Variants in URB1 observed in about 807,000 individuals in gnomAD.
The protein encoded by URB1 is nucleolar pre-ribosomal-associated protein 1.
URB1 carries 197 observed loss-of-function variants against 242.3 expected under a neutral mutation model. The observed-to-expected ratio is 0.81, with a 90% CI of 0.72 to 0.91. URB1 has a LOEUF of 0.91. Among genes scored for constraint, URB1 ranks in the 40% least tolerant of loss-of-function variants. URB1 has a pLI of 0.00. For missense variants in URB1, 2,721 were observed against 2,860.5 expected (o/e 0.95, Z 1.11); for synonymous variants, 1,153 against 1,201.8 (o/e 0.96, Z 0.84).
Position 32,311,857 on chromosome 21 carries a change from G to A in URB1, c.*3061C>T. On this transcript the variant is annotated 3_prime_UTR_variant, in exon 39 of 39. Coordinates refer to ENST00000382751, the MANE Select transcript of URB1 (RefSeq NM_014825.3). The stretch of plus-strand genomic sequence containing the variant: ...CCTGACCAGCCGCTACGACAGGAGA[G>A]CTCCTCCACCTTGCCCCTCGGGGGT... 6.2e-7 allele frequency: 1 copy of A among 1,614,134 alleles called. No individual in the cohort carries two copies. Among genetic ancestry groups the A allele is most frequent in the Admixed American group, 1.7e-5 (1 of 60,026 alleles).
intron 35 of URB1, 109 bp downstream of exon 35, chr21:32,320,422 T>C (rs964605053): frequency 1.2e-6 from 1 of 818,908 alleles, no homozygotes; most frequent in Non-Finnish European, 1.9e-6. Flanking sequence ...TCAGAGAGCA[T>C]GGATTTTACT....
In URB1 at chr21:32,384,435, G is replaced by A; in HGVS notation, c.312C>T (p.Ala104=). The A allele has an allele frequency of 6.4e-7, 1 of 1,551,516 alleles. No homozygotes were observed. The highest frequency in any genetic ancestry group is 8.7e-7 in the Non-Finnish European group (1 of 1,146,706). The change falls in exon 3 of 39, where the codon GCC becomes GCT. Residue 104 remains alanine (A), a synonymous_variant. Coordinates refer to ENST00000382751, the MANE Select transcript of URB1 (RefSeq NM_014825.3). The part of the protein sequence containing the change: ...ETMLIFQVFE[A]ILLRTASDLS... ...GATCACTTGCTGTCCGCAATAATATGGCCTCGAAAACTTGAAATATTAACA... is the reference window on the plus strand; with the variant it reads ...GATCACTTGCTGTCCGCAATAATATAGCCTCGAAAACTTGAAATATTAACA...
chr21:32,385,213 C>A (rs1367967829), intron 2 of URB1, among the ~76,000 whole-genome samples: 1 of 152,204 alleles, frequency 6.6e-6, no homozygotes, highest in Non-Finnish European at 1.5e-5. Context: ...ATCATCAATT[C>A]ATTATGTGTT....
Position 32,363,243 on chromosome 21 carries a change from C to G in URB1, c.1422G>C (p.Leu474=), listed in dbSNP as rs188267379. 1 of 1,552,078 alleles carries G rather than the reference C, an allele frequency of 6.4e-7. No individual in the cohort carries two copies. Among genetic ancestry groups the G allele is most frequent in the Non-Finnish European group, 8.7e-7 (1 of 1,147,086 alleles). Residue 474 remains leucine, a synonymous_variant, in exon 11 of 39, where the codon CTG becomes CTC. Coordinates refer to ENST00000382751, the MANE Select transcript of URB1 (RefSeq NM_014825.3). ...CTGATTCCTGCCACACCTCTTTATTCAGGCAGTGGTCAACAGTTTTTAATG... is the reference window on the plus strand; with the variant it reads ...CTGATTCCTGCCACACCTCTTTATTGAGGCAGTGGTCAACAGTTTTTAATG... The part of the protein sequence containing the change: ...KRALKTVDHC[L]NKEVWQESGV...
chr21:32,366,038 C>G (rs983083911), intron 10 of URB1, among the ~76,000 whole-genome samples: 2 of 152,184 alleles, frequency 1.3e-5, no homozygotes, highest in Non-Finnish European at 2.9e-5. Flanking sequence ...TGTGAACCCC[C>G]CAGAATGTGG....
intron 4 of URB1, among the ~76,000 whole-genome samples, chr21:32,380,889 T>C (rs1332547162): frequency 1.3e-5 from 2 of 152,234 alleles, no homozygotes; most frequent in African/African-American, 4.8e-5. Context: ...CCATTCTACA[T>C]CTTTCTATCC....
chr21:32,356,302 G>A (rs553564526), intron 15 of URB1, among the ~76,000 whole-genome samples: 3 of 152,268 alleles, frequency 2.0e-5, no homozygotes, highest in Admixed American at 2.0e-4. Context: ...TTAGTTGGGA[G>A]GATCACTTGA....
At chr21:32,318,673 C>T (rs1168247573) in intron 36 of URB1, among the ~76,000 whole-genome samples, 1 of 152,158 alleles carries the variant, frequency 6.6e-6, no homozygotes, top group Non-Finnish European at 1.5e-5. Context: ...AGTGTATTTT[C>T]TGTAACATGG....
In URB1 at chr21:32,333,429, C is replaced by A; in HGVS notation, c.4858-10G>T. 6.5e-7 allele frequency: 1 copy of A among 1,545,932 alleles called. No homozygotes were observed. Among genetic ancestry groups the A allele is most frequent in the South Asian group, 1.2e-5 (1 of 83,322 alleles). ...TCAGCTCCTGTGTGTCCTGAAAGAG[C>A]CAAAATCAACAAAAACGTGTGATTC... is the stretch of plus-strand genomic sequence containing the variant. On this transcript the variant is annotated splice_polypyrimidine_tract_variant and intron_variant, in intron 29 of 38. Transcript: ENST00000382751.
chr21:32,328,333 T>G (rs1007949870), intron 30 of URB1, among the ~76,000 whole-genome samples: 1 of 152,226 alleles, frequency 6.6e-6, no homozygotes, highest in Non-Finnish European at 1.5e-5. Context: ...AGACGGGGTT[T>G]CACCATGTTG....
intron 20 of URB1, among the ~76,000 whole-genome samples, chr21:32,350,380 T>C (rs1335157188): frequency 6.6e-6 from 1 of 152,028 alleles, no homozygotes; most frequent in Non-Finnish European, 1.5e-5. Flanking sequence ...AAGGCTGTAG[T>C]GAGCTATGAT....
At chr21:32,375,366 G>C in intron 6 of URB1, 32 bp downstream of exon 6, 2 of 1,370,708 alleles carry the variant, frequency 1.5e-6, no homozygotes, top group Non-Finnish European at 2.0e-6. Context: ...AGGGAAAACA[G>C]ACAACAGAAA....
In URB1 at chr21:32,323,509, C is replaced by A. The variant is rs535387928; in HGVS notation, c.5234-925G>T. Among the ~76,000 whole-genome samples, 3 of 152,280 alleles carry A rather than the reference C, an allele frequency of 2.0e-5. No individual in the cohort carries two copies. The South Asian group carries it at 6.2e-4, about 32-fold the overall frequency. On this transcript the variant is annotated intron_variant, in intron 32 of 38. Transcript: ENST00000382751. The stretch of plus-strand genomic sequence containing the variant: ...CCCCCATTCCTGTAACAAAAAGGAG[C>A]CTTGTTCTAACAGCGTGGATTACAC...
Position 32,314,675 on chromosome 21 carries a change from T to G in URB1, c.*243A>C. On this transcript the variant is annotated 3_prime_UTR_variant, in exon 39 of 39. Transcript: ENST00000382751. Reference sequence around the variant, plus strand: ...CTGACGAGGCACTGGATGGGCCTCATGGCCTAGAAGTCCCCACATTCCTTG... The same window carrying G: ...CTGACGAGGCACTGGATGGGCCTCAGGGCCTAGAAGTCCCCACATTCCTTG... 6.2e-7 allele frequency: 1 copy of G among 1,608,596 alleles called. No individual in the cohort carries two copies. The highest frequency in any genetic ancestry group is 1.7e-5 in the Admixed American group (1 of 60,026).
intron 8 of URB1, among the ~76,000 whole-genome samples, chr21:32,368,974 C>A (rs2033377445): frequency 6.6e-6 from 1 of 152,140 alleles, no homozygotes; most frequent in Admixed American, 6.5e-5. Context: ...AGGACAAAAC[C>A]AGCAGGGAGG....
chr21:32,344,654 G>A lies in URB1; in HGVS notation c.4173C>T (p.Ile1391=), dbSNP rs370165876. The A allele has an allele frequency of 1.4e-4, 225 of 1,552,258 alleles. No homozygotes were observed. The African/African-American group carries it at 2.6e-3, about 18-fold the overall frequency. The change falls in exon 24 of 39, where the codon ATC becomes ATT. Residue 1391 remains isoleucine (I), a synonymous_variant. Transcript: ENST00000382751. ...CTTGCTGTCCACCACTGAAAGACAC[G>A]ATCAGCCACTTCACACAGGACTCCA... The part of the protein sequence containing the change: ...TLLESCVKWL[I]VSFSGGQQDD...
rs1369399307 is a variant in URB1, at chr21:32,312,214, C to T, written c.*2704G>A. ...GGTGTTGCTGAGTTTATTGAGCACA[C>T]CTAGCCTGCTTGCTTACTGCTTATA... On this transcript the variant is annotated 3_prime_UTR_variant, in exon 39 of 39. Transcript: ENST00000382751. 4.8e-6 allele frequency: 7 copies of T among 1,457,204 alleles called. No homozygotes were observed. The highest frequency in any genetic ancestry group is 6.3e-6 in the Non-Finnish European group (7 of 1,107,614). The allele number at this position is 1,457,204 out of a possible 1,614,324, so 90.3% of individuals were successfully genotyped here. A position where few individuals can be genotyped will look rare whatever the true frequency, so the allele number is the denominator to read the frequency against.
At chr21:32,350,967 C>T (rs1029914369) in intron 19 of URB1, 45 bp from the exon 20 acceptor site, 2 of 1,520,612 alleles carry the variant, frequency 1.3e-6, no homozygotes, top group African/African-American at 2.8e-5. Context: ...GACACATCAC[C>T]ACAGATGAAA....
In URB1 at chr21:32,311,901, C is replaced by G. The variant is rs369795618; in HGVS notation, c.*3017G>C. The G allele has an allele frequency of 1.5e-5, 24 of 1,613,992 alleles. No homozygotes were observed. The East Asian group carries it at 3.6e-4, about 24-fold the overall frequency. ...CGGGGGTTTCCAGACCCACCCCACT[C>G]TCCTCTGGGAACTGACCCTCAATGG... On this transcript the variant is annotated 3_prime_UTR_variant, in exon 39 of 39. Transcript: ENST00000382751.
Sources: allele counts gnomAD v4.1 joint callset (sites outside exome capture counted in the v4.1 genomes callset), GRCh38; gene constraint gnomAD v4.1.1; transcripts MANE v1.5; gene names NCBI Gene and HGNC (gene_info 2026-07-23, HGNC 2026-07-21).